FOXP2: variants seen among roughly 807,000 people sequenced by gnomAD.
FOXP2 encodes forkhead box protein P2.
A neutral mutation model predicts 115.8 loss-of-function variants in FOXP2; 12 were observed. The observed-to-expected ratio is 0.10, with a 90% CI of 0.07 to 0.17. The LOEUF is 0.17. FOXP2 is among the 10% of genes least tolerant of loss of function. The pLI is 1.00. For missense variants in FOXP2, 629 were observed against 843.5 expected (o/e 0.75, Z 3.15); for synonymous variants, 328 against 297.7 (o/e 1.10, Z -1.05).
At chr7:114,110,935 T>C (rs1791252137) in intron 1 of FOXP2, among the ~76,000 whole-genome samples, 2 of 152,124 alleles carry the variant, frequency 1.3e-5, no homozygotes, top group Admixed American at 6.6e-5. Flanking sequence ...CATTCACTGA[T>C]ATGTTGGACT....
chr7:114,444,421 C>T (rs1373421720), intron 2 of FOXP2, among the ~76,000 whole-genome samples: 1 of 152,160 alleles, frequency 6.6e-6, no homozygotes, highest in Non-Finnish European at 1.5e-5. Context: ...TTTCCACAAC[C>T]ACAAGTGTGG....
intron 2 of FOXP2, among the ~76,000 whole-genome samples, chr7:114,404,854 C>T (rs1792994695): frequency 6.6e-6 from 1 of 151,858 alleles, no homozygotes; most frequent in African/African-American, 2.4e-5. Flanking sequence ...GTCATTTTTA[C>T]CCTTTTATTT....
chr7:114,251,487 T>C (rs1290853834), intron 1 of FOXP2, among the ~76,000 whole-genome samples: 1 of 152,188 alleles, frequency 6.6e-6, no homozygotes, highest in East Asian at 1.9e-4. Context: ...CAGTGGTTTG[T>C]AGTTCTCCTC....
intron 1 of FOXP2, among the ~76,000 whole-genome samples, chr7:114,184,064 G>A (rs1456861911): frequency 6.6e-6 from 1 of 152,122 alleles, no homozygotes; most frequent in Non-Finnish European, 1.5e-5. Context: ...GTTTACAGAT[G>A]CTTAAAATGC....
intron 1 of FOXP2, among the ~76,000 whole-genome samples, chr7:114,221,286 T>G (rs1334412961): frequency 6.6e-6 from 1 of 152,188 alleles, no homozygotes; most frequent in Non-Finnish European, 1.5e-5. Context: ...GTTTTTTTAT[T>G]TTATGACACA....
rs984241970 is a variant in FOXP2 at position 114,457,512 on chromosome 7, G to T, written c.168+30833G>T. 5.0e-4 allele frequency among the ~76,000 whole-genome samples: 76 copies of T among 152,038 alleles called. 1 individual carries two copies. Among genetic ancestry groups the T allele is most frequent in the Non-Finnish European group, 9.7e-4 (66 of 67,998 alleles). ...GAAAAGTCATATTGTGAAAAAAATT[G>T]CTGCTCATATTTTTAAATAATTTAT... On this transcript the variant is annotated intron_variant, in intron 2 of 16. Coordinates refer to ENST00000350908, the MANE Select transcript of FOXP2 (RefSeq NM_014491.4).
At chr7:114,285,150 A>G (rs2129175544) in intron 1 of FOXP2, among the ~76,000 whole-genome samples, 1 of 152,230 alleles carries the variant, frequency 6.6e-6, no homozygotes, top group Middle Eastern at 3.4e-3. Flanking sequence ...CCTGCACTGT[A>G]CCCCTGAACT....
chr7:114,245,321 C>T (rs908145255), intron 1 of FOXP2, among the ~76,000 whole-genome samples: 1 of 152,106 alleles, frequency 6.6e-6, no homozygotes, highest in African/African-American at 2.4e-5. Context: ...ATATTTATAC[C>T]TATTCATGAG....
chr7:114,344,890 T>C (rs1791306330), intron 2 of FOXP2, among the ~76,000 whole-genome samples: 1 of 151,744 alleles, frequency 6.6e-6, no homozygotes, highest in Non-Finnish European at 1.5e-5. Flanking sequence ...CATACACAAA[T>C]TAAAGCTCAC....
chr7:114,642,834 A>G (rs1471718335), intron 7 of FOXP2, among the ~76,000 whole-genome samples: 2 of 85,552 alleles, frequency 2.3e-5, no homozygotes, highest in Non-Finnish European at 4.4e-5. Flanking sequence ...TTTTAGGCAG[A>G]GTCTTGCTCT....
intron 8 of FOXP2, chr7:114,644,993 A>G (rs1303053153): frequency 4.1e-6 from 2 of 485,330 alleles, no homozygotes; most frequent in Non-Finnish European, 3.7e-6. Flanking sequence ...CATTTAGTAA[A>G]GATTTTTGAA....
intron 3 of FOXP2, among the ~76,000 whole-genome samples, chr7:114,573,286 G>A (rs1461862910): frequency 2.0e-5 from 3 of 151,628 alleles, no homozygotes; most frequent in African/African-American, 4.8e-5. Flanking sequence ...ATGCTAAAAT[G>A]GCTACATAAT....
At chr7:114,198,501 T>A (rs2129158984) in intron 1 of FOXP2, among the ~76,000 whole-genome samples, 1 of 152,250 alleles carries the variant, frequency 6.6e-6, no homozygotes, top group South Asian at 2.1e-4. Context: ...TTAATTAGAT[T>A]CTCATAAGAA....
chr7:114,216,611 T>C (rs1328197014), intron 1 of FOXP2, among the ~76,000 whole-genome samples: 1 of 152,182 alleles, frequency 6.6e-6, no homozygotes, highest in Non-Finnish European at 1.5e-5. Flanking sequence ...GTTTTATAGG[T>C]GATATTATTT....
intron 2 of FOXP2, among the ~76,000 whole-genome samples, chr7:114,493,896 A>T (rs1797187448): frequency 6.6e-6 from 1 of 151,220 alleles, no homozygotes; most frequent in Admixed American, 6.6e-5. Flanking sequence ...TTCTGACAGG[A>T]TGTTACCATA....
chr7:114,609,176 G>A (rs1267035794), intron 3 of FOXP2, among the ~76,000 whole-genome samples: 1 of 151,044 alleles, frequency 6.6e-6, no homozygotes, highest in African/African-American at 2.4e-5. Flanking sequence ...TTGCGCCACT[G>A]CACTCCAGCC....
chr7:114,662,045 T>G lies in FOXP2; in HGVS notation c.1648-20T>G. On this transcript the variant is annotated intron_variant, in intron 13 of 16. Transcript: ENST00000350908. Reference sequence around the variant, plus strand: ...ACAATATTATTTTTGCCATTTTTTCTTCTCTTCTGTCTGCTTTAGAATGCA... The same window carrying G: ...ACAATATTATTTTTGCCATTTTTTCGTCTCTTCTGTCTGCTTTAGAATGCA... The G allele has an allele frequency of 6.2e-7, 1 of 1,612,086 alleles. No individual in the cohort carries two copies. The highest frequency in any genetic ancestry group is 2.2e-5 in the East Asian group (1 of 44,792).
chr7:114,315,520 T>C (rs900904024), intron 2 of FOXP2, among the ~76,000 whole-genome samples: 4 of 152,152 alleles, frequency 2.6e-5, no homozygotes, highest in Non-Finnish European at 5.9e-5. Flanking sequence ...TTGGGCTAGA[T>C]AGAGTGTTCT....
chr7:114,580,140 T>G (rs1417970057), intron 3 of FOXP2, among the ~76,000 whole-genome samples: 1 of 152,244 alleles, frequency 6.6e-6, no homozygotes, highest in Non-Finnish European at 1.5e-5. Flanking sequence ...CCATCCTACT[T>G]AAGATATCCT....
Sources: allele counts gnomAD v4.1 joint callset (sites outside exome capture counted in the v4.1 genomes callset), GRCh38; gene constraint gnomAD v4.1.1; transcripts MANE v1.5; gene names NCBI Gene and HGNC (gene_info 2026-07-23, HGNC 2026-07-21).